RAI2: variants seen among roughly 807,000 people sequenced by gnomAD.
RAI2 encodes retinoic acid induced 2.
A neutral mutation model predicts 15.3 loss-of-function variants in RAI2; 5 were observed. The observed-to-expected ratio is 0.33, with a 90% CI of 0.17 to 0.69. The LOEUF is 0.69. Ranked by LOEUF, RAI2 falls within the 30% of genes least tolerant of loss-of-function variation. RAI2 has a pLI of 0.69. For synonymous variants in RAI2, 191 were observed against 184.0 expected (o/e 1.04, Z -0.31); for missense variants, 424 against 424.7 (o/e 1.00, Z 0.01).
At chrX:17,803,338 C>A (rs1024248253) in intron 1 of RAI2, among the ~76,000 whole-genome samples, 4 of 110,149 alleles carry the variant, frequency 3.6e-5, no homozygotes, top group African/African-American at 1.3e-4. Flanking sequence ...CCAGCCTGGC[C>A]AACATGATGA....
chrX:17,858,893 C>T (rs770187292), intron 1 of RAI2, among the ~76,000 whole-genome samples: 1 of 111,722 alleles, frequency 9.0e-6, no homozygotes, highest in African/African-American at 3.3e-5. Flanking sequence ...GTCCCCTGGG[C>T]TGGTGCCAAA....
chrX:17,842,905 C>T (rs2067415622), intron 1 of RAI2, among the ~76,000 whole-genome samples: 1 of 111,771 alleles, frequency 8.9e-6, no homozygotes, highest in Non-Finnish European at 1.9e-5. Flanking sequence ...TCTCCTGGCA[C>T]GTAGGCGGTG....
rs140631545 is a variant in RAI2, at chrX:17,800,959, C to T, written c.1052G>A (p.Arg351Gln). ...AALDLSVAAH[R>Q]KSEPPPETLY... ...TGTCTCAGGGGGAGGCTCGGATTTC[C>T]GGTGGGCTGCCACTGACAGGTCTAG... The change falls in exon 2 of 2, where the codon CGG becomes CAG. Residue 351 changes from arginine (R) to glutamine (Q), a missense_variant. Arg to Gln is a conservative substitution (Grantham distance 43, BLOSUM62 1). Transcript: ENST00000451717. The T allele has an allele frequency of 7.7e-5, 93 of 1,208,887 alleles. No homozygotes were observed. The highest frequency in any genetic ancestry group is 5.3e-4 in the South Asian group (30 of 56,704).
intron 1 of RAI2, among the ~76,000 whole-genome samples, chrX:17,816,253 C>T (rs2067106828): frequency 9.0e-6 from 1 of 111,130 alleles, no homozygotes; most frequent in African/African-American, 3.3e-5. Flanking sequence ...GCTTCCCATC[C>T]CGCCAACTCC....
intron 1 of RAI2, among the ~76,000 whole-genome samples, chrX:17,856,995 G>A (rs2067616048): frequency 9.0e-6 from 1 of 111,377 alleles, no homozygotes; most frequent in African/African-American, 3.3e-5. Flanking sequence ...GACTCAAGAG[G>A]CTCATCAACA....
intron 1 of RAI2, among the ~76,000 whole-genome samples, chrX:17,805,215 C>T (rs2066963630): frequency 8.8e-6 from 1 of 113,129 alleles, no homozygotes; most frequent in African/African-American, 3.2e-5. Flanking sequence ...AAAGCAGTCC[C>T]CACAGCCTCT....
intron 1 of RAI2, among the ~76,000 whole-genome samples, chrX:17,808,443 T>C (rs1454848138): frequency 1.8e-5 from 2 of 111,396 alleles, no homozygotes; most frequent in African/African-American, 3.3e-5. Context: ...GCCTAGGTCC[T>C]ACCCCTAAGA....
chrX:17,816,071 C>T (rs1287236242), intron 1 of RAI2, among the ~76,000 whole-genome samples: 3 of 107,965 alleles, frequency 2.8e-5, no homozygotes, highest in African/African-American at 1.0e-4. Context: ...TCTCTTCCCC[C>T]CACCCCCACT....
intron 1 of RAI2, among the ~76,000 whole-genome samples, chrX:17,804,833 C>A (rs750616271): frequency 8.9e-6 from 1 of 112,794 alleles, no homozygotes; most frequent in African/African-American, 3.2e-5. Flanking sequence ...CAGTTCTCAT[C>A]ATTTCCTGTG....
intron 1 of RAI2, among the ~76,000 whole-genome samples, chrX:17,857,664 C>T (rs1408081067): frequency 9.0e-6 from 1 of 110,742 alleles, no homozygotes; most frequent in Non-Finnish European, 1.9e-5. Context: ...AGGCCCCCAA[C>T]CAAACGTACA....
rs191480344 is a variant in RAI2 at position 17,858,747 on chromosome X, C to T, written c.-25+2351G>A. 1.3e-3 allele frequency among the ~76,000 whole-genome samples: 150 copies of T among 112,710 alleles called. 2 individuals carry two copies. Among genetic ancestry groups the T allele is most frequent in the African/African-American group, 4.8e-3 (149 of 30,996 alleles). ...AGCTGCCCACCAAACCGTGTTCTCA[C>T]CCCAGCGATCGGCATCGCTTGGAAA... On this transcript the variant is annotated intron_variant, in intron 1 of 1. Transcript: ENST00000451717.
intron 1 of RAI2, among the ~76,000 whole-genome samples, chrX:17,857,445 G>T (rs891792620): frequency 8.9e-6 from 1 of 111,851 alleles, no homozygotes; most frequent in Non-Finnish European, 1.9e-5. Context: ...TTGTTTATTT[G>T]AGACAGTTTC....
chrX:17,802,137 CA>C, intron 1 of RAI2, 103 bp from the exon 2 acceptor site: 1 of 983,636 alleles, frequency 1.0e-6, no homozygotes, highest in Admixed American at 3.4e-5. Context: ...TTTAGTTAAC[CA>C]GGGAGCATAA....
chrX:17,838,962 G>A (rs2067367987), intron 1 of RAI2, among the ~76,000 whole-genome samples: 1 of 112,303 alleles, frequency 8.9e-6, no homozygotes, highest in Non-Finnish European at 1.9e-5. Flanking sequence ...CCCTCTCAGG[G>A]CCAACTCTTA....
intron 1 of RAI2, among the ~76,000 whole-genome samples, chrX:17,855,709 CTCTG>C (rs1297068943): frequency 9.0e-6 from 1 of 111,686 alleles, no homozygotes; most frequent in Non-Finnish European, 1.9e-5. Context: ...TCCAGAGCAG[CTCTG>C]TCTAATAGAA....
chrX:17,835,998 T>C (rs1392683114), intron 1 of RAI2, among the ~76,000 whole-genome samples: 2 of 112,116 alleles, frequency 1.8e-5, no homozygotes, highest in African/African-American at 6.5e-5. Flanking sequence ...GTCTTTTCCT[T>C]TTCACACTGT....
intron 1 of RAI2, among the ~76,000 whole-genome samples, chrX:17,859,046 G>A (rs1244184399): frequency 9.0e-6 from 1 of 111,432 alleles, no homozygotes. Flanking sequence ...GTGGGGGCAG[G>A]TGGCTTCTCT....
rs781739512 is a variant in RAI2, at chrX:17,838,903, T to C, written c.-25+22195A>G. Among the ~76,000 whole-genome samples, 3 of 111,798 alleles carry C rather than the reference T, an allele frequency of 2.7e-5. No individual in the cohort carries two copies. In the Admixed American group the frequency reaches 2.8e-4, roughly 11 times the overall value. On this transcript the variant is annotated intron_variant, in intron 1 of 1. Coordinates refer to ENST00000451717, the MANE Select transcript of RAI2 (RefSeq NM_021785.6). Reference sequence around the variant, plus strand: ...GCATACACGCAAAGCACACATCACATGCTCATACCACAAGGGATCATAAAC... The same window carrying C: ...GCATACACGCAAAGCACACATCACACGCTCATACCACAAGGGATCATAAAC...
At chrX:17,857,427 T>C (rs868839357) in intron 1 of RAI2, among the ~76,000 whole-genome samples, 5 of 111,866 alleles carry the variant, frequency 4.5e-5, no homozygotes, top group Non-Finnish European at 9.4e-5. Context: ...CATTTTCCTA[T>C]AGAGTGTTTG....
Sources: allele counts gnomAD v4.1 joint callset (sites outside exome capture counted in the v4.1 genomes callset), GRCh38; gene constraint gnomAD v4.1.1; transcripts MANE v1.5; gene names NCBI Gene and HGNC (gene_info 2026-07-23, HGNC 2026-07-21).